The following LONP1 variants were observed in gnomAD, a reference collection of about 807,000 sequenced individuals.
The protein encoded by LONP1 is lon protease homolog, mitochondrial.
In LONP1, 31 loss-of-function variants were observed where a neutral mutation model predicts 98.5. That is an observed-to-expected ratio of 0.31 (90% CI 0.24 to 0.42). The LOEUF (loss-of-function observed/expected upper bound fraction) is 0.42, where lower values mean the gene tolerates loss of function less well. Among genes scored for constraint, LONP1 ranks in the 20% least tolerant of loss-of-function variants. The pLI is 1.00. For synonymous variants in LONP1, 781 were observed against 594.7 expected (o/e 1.31, Z -4.56); for missense variants, 1,336 against 1,350.6 (o/e 0.99, Z 0.17).
intron 3 of LONP1, 134 bp from the exon 4 acceptor site, chr19:5,712,136 G>A (rs1599476758): frequency 1.7e-5 from 12 of 691,026 alleles, no homozygotes; most frequent in Admixed American, 1.2e-4. Context: ...GGTGGCTACA[G>A]GGTCCTCAAG....
chr19:5,710,499 G>A (rs898231699), intron 4 of LONP1, among the ~76,000 whole-genome samples: 2 of 151,980 alleles, frequency 1.3e-5, no homozygotes, highest in Non-Finnish European at 2.9e-5. Flanking sequence ...GGGCTCAAGC[G>A]ATCCTCCCAC....
At chr19:5,696,874 A>G (rs911496816) in intron 10 of LONP1, 117 bp from the exon 11 acceptor site, 2 of 667,486 alleles carry the variant, frequency 3.0e-6, no homozygotes, top group South Asian at 1.9e-5. Context: ...AGATGTGGCC[A>G]TGATGTGGGA....
intron 15 of LONP1, 75 bp from the exon 16 acceptor site, chr19:5,693,844 A>C: frequency 4.8e-6 from 6 of 1,253,492 alleles, no homozygotes; most frequent in Non-Finnish European, 6.8e-6. Context: ...CCTCGGGGCC[A>C]CTCTGACCGC....
At chr19:5,701,543 G>A (rs1395398950) in intron 8 of LONP1, among the ~76,000 whole-genome samples, 1 of 152,212 alleles carries the variant, frequency 6.6e-6, no homozygotes, top group Non-Finnish European at 1.5e-5. Flanking sequence ...GTGTTGGCCG[G>A]GCTGGTCTCC....
rs558687574 is a variant in LONP1, at chr19:5,719,339, G to C, written c.429+365C>G. ...CAGTGAGGCTCGTAACCAGACGGCAGAGCGCCTGGGGCGAGGAGGTATTAC... is the reference window on the plus strand; with the variant it reads ...CAGTGAGGCTCGTAACCAGACGGCACAGCGCCTGGGGCGAGGAGGTATTAC... On this transcript the variant is annotated intron_variant, in intron 1 of 17. Transcript: ENST00000360614. 2.0e-5 allele frequency among the ~76,000 whole-genome samples: 3 copies of C among 152,364 alleles called. No individual in the cohort carries two copies. The East Asian group carries it at 5.8e-4, about 29-fold the overall frequency.
intron 1 of LONP1, among the ~76,000 whole-genome samples, chr19:5,717,897 T>C (rs897712690): frequency 6.6e-6 from 1 of 150,410 alleles, no homozygotes; most frequent in Non-Finnish European, 1.5e-5. Flanking sequence ...CTTTCTTTTT[T>C]TTTTTTTTTT....
intron 2 of LONP1, 127 bp from the exon 3 acceptor site, chr19:5,713,380 G>T: frequency 8.4e-7 from 1 of 1,185,506 alleles, no homozygotes. Flanking sequence ...ACCAAGAGCG[G>T]CCTCCTTGGC....
chr19:5,710,649 AT>A (rs1360396751), intron 4 of LONP1, among the ~76,000 whole-genome samples: 1 of 152,022 alleles, frequency 6.6e-6, no homozygotes, highest in Non-Finnish European at 1.5e-5. Context: ...AAGTGTTGGG[AT>A]GACAGGCATG....
chr19:5,707,917 TGTCCCCTGTAG>T (rs1352112583), intron 5 of LONP1, 91 bp from the exon 6 acceptor site: 1 of 1,473,402 alleles, frequency 6.8e-7, no homozygotes, highest in Non-Finnish European at 9.3e-7. Flanking sequence ...TCAGGGTCCC[TGTCCCCTGTAG>T]CTATGGGCAC....
chr19:5,700,444 TCTCA>T (rs766820855), intron 9 of LONP1, among the ~76,000 whole-genome samples: 39 of 152,036 alleles, frequency 2.6e-4, no homozygotes, highest in Non-Finnish European at 4.9e-4. Context: ...GAGATGGGGG[TCTCA>T]CTCTGTCACC....
chr19:5,711,693 C>T (rs1006811037), intron 4 of LONP1, 78 bp downstream of exon 4: 42 of 1,229,834 alleles, frequency 3.4e-5, no homozygotes, highest in Middle Eastern at 2.0e-4. Flanking sequence ...GATGACTCTT[C>T]GGAGAGGCCG....
At chr19:5,711,008 C>CA (rs916740232) in intron 4 of LONP1, among the ~76,000 whole-genome samples, 1 of 151,366 alleles carries the variant, frequency 6.6e-6, no homozygotes, top group Non-Finnish European at 1.5e-5. Flanking sequence ...CCTGGGTTGA[C>CA]AGAGCCAGAC....
chr19:5,715,727 G>A (rs536477643), intron 1 of LONP1, among the ~76,000 whole-genome samples: 204 of 139,720 alleles, frequency 1.5e-3, no homozygotes, highest in Non-Finnish European at 2.4e-3. Flanking sequence ...GTGCAATCTC[G>A]GCTCACTGCA....
Position 5,720,145 on chromosome 19 carries a change from C to A in LONP1, c.-13G>T. On this transcript the variant is annotated 5_prime_UTR_variant, in exon 1 of 18. Transcript: ENST00000360614. ...TGCTCGCCGCCATAGCCCGGCCATA[C>A]TGGCGGCTCACACAACTCGCGTCAT... The A allele has an allele frequency of 7.2e-7, 1 of 1,398,236 alleles. No individual in the cohort carries two copies. The highest frequency in any genetic ancestry group is 1.6e-5 in the South Asian group (1 of 64,206). 86.6% of individuals were successfully genotyped at this position (1,398,236 alleles called of 1,614,324 possible).
rs778890853 is a variant in LONP1 at position 5,695,933 on chromosome 19, G to A, written c.2013+121C>T. 901 of 761,488 alleles carry A rather than the reference G, an allele frequency of 1.2e-3. 1 individual carries two copies. Among genetic ancestry groups the A allele is most frequent in the Non-Finnish European group, 1.6e-3 (753 of 483,196 alleles). 47.2% of individuals were successfully genotyped at this position (761,488 alleles called of 1,614,324 possible). A position where few individuals can be genotyped will look rare whatever the true frequency, so the allele number is the denominator to read the frequency against. On this transcript the variant is annotated intron_variant, in intron 13 of 17. Transcript: ENST00000360614. The stretch of plus-strand genomic sequence containing the variant: ...TCTCTCACGGCCCCATCTGCTCCTC[G>A]GCCGCAGGTCCCACCTGTCTCTCCC...
chr19:5,720,198 G>T (rs924371071), upstream of LONP1: 36 of 1,384,430 alleles, frequency 2.6e-5, no homozygotes, highest in Admixed American at 5.6e-4. Context: ...CGCACGTGAC[G>T]CCCGGCGCGT....
Position 5,707,997 on chromosome 19 carries a change from C to T in LONP1, c.933-171G>A. On this transcript the variant is annotated intron_variant, in intron 5 of 17. Transcript: ENST00000360614. ...TGCTTGTTCTCCAGAGTTCAGGGCC[C>T]ACCCGTCCTGGGCTGGAAAGGCATG... 8 of 761,128 alleles carry T rather than the reference C, an allele frequency of 1.1e-5. 1 individual carries two copies. The South Asian group carries it at 1.3e-4, about 12-fold the overall frequency. 47.1% of individuals were successfully genotyped at this position (761,128 alleles called of 1,614,324 possible). A position where few individuals can be genotyped will look rare whatever the true frequency, so the allele number is the denominator to read the frequency against.
At chr19:5,695,227 T>G (rs1345264428) in intron 13 of LONP1, among the ~76,000 whole-genome samples, 2 of 152,048 alleles carry the variant, frequency 1.3e-5, no homozygotes, top group Non-Finnish European at 2.9e-5. Context: ...GGCTGACTGG[T>G]TACGTGGCTG....
At chr19:5,707,675 T>C (rs373556873) in intron 6 of LONP1, 22 bp downstream of exon 6, 1 of 1,598,548 alleles carries the variant, frequency 6.3e-7, no homozygotes, top group Non-Finnish European at 8.6e-7. Flanking sequence ...CGTGGGGGGC[T>C]GTGGAGGTGA....
Sources: gnomAD v4.1 joint callset for allele counts (sites outside exome capture counted in the v4.1 genomes callset) on GRCh38, gnomAD v4.1.1 for gene constraint, MANE v1.5 for transcripts, NCBI Gene and HGNC (gene_info 2026-07-23, HGNC 2026-07-21) for gene names.